The following CUX1 variants were observed in gnomAD, a reference collection of about 807,000 sequenced individuals.
CUX1 encodes the protein protein CASP.
A neutral mutation model predicts 158.8 loss-of-function variants in CUX1; 31 were observed. The observed-to-expected ratio is 0.20, with a 90% confidence interval of 0.15 to 0.26. The LOEUF (loss-of-function observed/expected upper bound fraction) is 0.26, where lower values mean the gene tolerates loss of function less well. Ranked by LOEUF, CUX1 falls within the 10% of genes least tolerant of loss-of-function variation. The pLI, the probability that CUX1 is intolerant of heterozygous loss-of-function variation, is 1.00. For missense variants in CUX1, 1,589 were observed against 2,014.6 expected (o/e 0.79, Z 4.04); for synonymous variants, 879 against 862.1 (o/e 1.02, Z -0.34).
chr7:102,216,583 C>T (rs1797118449), intron 20 of CUX1, among the ~76,000 whole-genome samples: 1 of 33,364 alleles, frequency 3.0e-5, no homozygotes, highest in Admixed American at 4.3e-4. Context: ...CACACACTCT[C>T]CCACACACAC....
chr7:102,227,107 C>T (rs1586326935), intron 20 of CUX1, among the ~76,000 whole-genome samples: 1 of 152,126 alleles, frequency 6.6e-6, no homozygotes, highest in African/African-American at 2.4e-5. Flanking sequence ...GCAGAATGCC[C>T]TCATGTTAAG....
chr7:101,963,777 G>A (rs541168469), intron 2 of CUX1, among the ~76,000 whole-genome samples: 18 of 152,014 alleles, frequency 1.2e-4, no homozygotes, highest in African/African-American at 3.9e-4. Context: ...TCAGCCTCCC[G>A]ATTATCTGGG....
intron 11 of CUX1, among the ~76,000 whole-genome samples, chr7:102,182,491 C>T (rs555513614): frequency 2.6e-5 from 4 of 152,334 alleles, no homozygotes; most frequent in East Asian, 3.9e-4. Flanking sequence ...TGCACATCTT[C>T]GAGTCTGTCC....
chr7:101,823,374 T>A (rs1447604676), intron 1 of CUX1, among the ~76,000 whole-genome samples: 1 of 152,206 alleles, frequency 6.6e-6, no homozygotes, highest in Non-Finnish European at 1.5e-5. Flanking sequence ...TAAGTGAAAC[T>A]GACTTGGTTC....
chr7:102,004,118 G>A (rs1290220982), intron 2 of CUX1, among the ~76,000 whole-genome samples: 1 of 152,164 alleles, frequency 6.6e-6, no homozygotes. Context: ...GCACAAGGTG[G>A]ACCAGGTGAG....
intron 2 of CUX1, among the ~76,000 whole-genome samples, chr7:101,977,501 G>T (rs1365510928): frequency 2.0e-5 from 3 of 152,114 alleles, no homozygotes; most frequent in African/African-American, 7.2e-5. Flanking sequence ...CTTTAGCCAG[G>T]CATGATGGTG....
intron 8 of CUX1, among the ~76,000 whole-genome samples, chr7:102,154,634 AGC>A (rs1836063419): frequency 6.6e-6 from 1 of 151,562 alleles, no homozygotes. Context: ...ATAAATAAAT[AGC>A]TAAAGACCAG....
In CUX1 at chr7:102,249,319, G is replaced by T; in HGVS notation, c.*277G>T. On this transcript the variant is annotated 3_prime_UTR_variant, in exon 24 of 24. Coordinates refer to ENST00000292535, the MANE Select transcript of CUX1 (RefSeq NM_181552.4). Reference sequence around the variant, plus strand: ...CGGCCCAGACCCAGCCCGCGGCCTGGACCCCTGGACCGCTTTGCGCACTTA... The same window carrying T: ...CGGCCCAGACCCAGCCCGCGGCCTGTACCCCTGGACCGCTTTGCGCACTTA... 1 of 1,023,522 alleles carries T rather than the reference G, an allele frequency of 9.8e-7. No homozygotes were observed. The highest frequency in any genetic ancestry group is 4.6e-5 in the South Asian group (1 of 21,632). 63.4% of individuals were successfully genotyped at this position (1,023,522 alleles called of 1,614,324 possible). A position where few individuals can be genotyped will look rare whatever the true frequency, so the allele number is the denominator to read the frequency against.
intron 1 of CUX1, among the ~76,000 whole-genome samples, chr7:101,881,269 T>C (rs1799677574): frequency 6.6e-6 from 1 of 152,226 alleles, no homozygotes; most frequent in Non-Finnish European, 1.5e-5. Context: ...CTAATTGCCC[T>C]GTATCAGGCC....
At chr7:102,030,574 A>T (rs1426181781) in intron 3 of CUX1, among the ~76,000 whole-genome samples, 3 of 151,562 alleles carry the variant, frequency 2.0e-5, no homozygotes, top group East Asian at 3.9e-4. Context: ...CCAAAATCAA[A>T]TTTTTCCAAT....
Position 102,130,773 on chromosome 7 carries a change from C to CT in CUX1, c.674+15501dup, listed in dbSNP as rs1554496905. Among the ~76,000 whole-genome samples the CT allele has an allele frequency of 2.0e-5, 3 of 152,114 alleles. No homozygotes were observed. In the South Asian group the frequency reaches 6.2e-4, roughly 32 times the overall value. On this transcript the variant is annotated intron_variant, in intron 8 of 23. Transcript: ENST00000292535. ...TATTCTTGAAATTTTATGGAATAGC[C>CT]TATATTTTGACCTTTTTGCTTCTTC...
At chr7:102,223,945 C>T (rs1331656329) in intron 20 of CUX1, among the ~76,000 whole-genome samples, 3 of 152,172 alleles carry the variant, frequency 2.0e-5, no homozygotes, top group African/African-American at 7.2e-5. Context: ...GCCTGGGCAA[C>T]AGAGGGAGAC....
chr7:102,030,594 G>C (rs1334825384), intron 3 of CUX1, among the ~76,000 whole-genome samples: 1 of 151,448 alleles, frequency 6.6e-6, no homozygotes, highest in South Asian at 2.1e-4. Flanking sequence ...TTATCCCCAA[G>C]ATGTCTTTTA....
intron 20 of CUX1, among the ~76,000 whole-genome samples, chr7:102,216,259 A>G (rs1797029771): frequency 6.6e-6 from 1 of 152,062 alleles, no homozygotes; most frequent in Non-Finnish European, 1.5e-5. Context: ...TGGAGGTTGC[A>G]GTGAGCTGAG....
At chr7:101,886,116 G>T (rs927369165) in intron 1 of CUX1, among the ~76,000 whole-genome samples, 1 of 152,180 alleles carries the variant, frequency 6.6e-6, no homozygotes, top group African/African-American at 2.4e-5. Flanking sequence ...CCTGAATGTG[G>T]GTGGTTACCC....
intron 8 of CUX1, among the ~76,000 whole-genome samples, chr7:102,136,698 A>G (rs1344200012): frequency 6.6e-5 from 10 of 152,088 alleles, no homozygotes; most frequent in African/African-American, 2.4e-4. Context: ...CATTTTACCA[A>G]CTTTTATAAA....
At chr7:102,085,114 C>T (rs1373612595) in intron 4 of CUX1, among the ~76,000 whole-genome samples, 5 of 151,922 alleles carry the variant, frequency 3.3e-5, no homozygotes, top group East Asian at 1.9e-4. Context: ...CGGCATCTTT[C>T]GAGATGATCA....
intron 2 of CUX1, among the ~76,000 whole-genome samples, chr7:101,917,861 C>T (rs534215881): frequency 2.0e-5 from 3 of 152,248 alleles, no homozygotes; most frequent in Admixed American, 6.5e-5. Flanking sequence ...TTTGGCTGGG[C>T]GCAGTGGCTC....
chr7:102,127,654 T>G (rs1362368933), intron 8 of CUX1, among the ~76,000 whole-genome samples: 2 of 152,224 alleles, frequency 1.3e-5, no homozygotes, highest in African/African-American at 4.8e-5. Context: ...CAGTGCATAC[T>G]GCATAACATT....
Sources: gnomAD v4.1 joint callset for allele counts (sites outside exome capture counted in the v4.1 genomes callset) on GRCh38, gnomAD v4.1.1 for gene constraint, MANE v1.5 for transcripts, NCBI Gene and HGNC (gene_info 2026-07-23, HGNC 2026-07-21) for gene names.